The following OTOG variants were observed in gnomAD, a reference collection of about 807,000 sequenced individuals.
OTOG encodes otogelin.
Under a neutral mutation model 313.8 loss-of-function variants are expected in OTOG, and 296 were observed. The observed-to-expected ratio is 0.94, with a 90% CI of 0.86 to 1.04. The LOEUF is 1.04. OTOG is among the 50% of genes least tolerant of loss of function. OTOG has a pLI of 0.00. For synonymous variants in OTOG, 1,533 were observed against 1,554.9 expected (o/e 0.99, Z 0.33); for missense variants, 3,948 against 3,840.1 (o/e 1.03, Z -0.74).
At chr11:17,636,216 G>A (rs1854263401) in intron 47 of OTOG, among the ~76,000 whole-genome samples, 1 of 152,100 alleles carries the variant, frequency 6.6e-6, no homozygotes, top group South Asian at 2.1e-4. Context: ...GTATGATACT[G>A]TATATACATG....
At chr11:17,595,707 T>C (rs971159411) in intron 28 of OTOG, among the ~76,000 whole-genome samples, 3 of 152,198 alleles carry the variant, frequency 2.0e-5, no homozygotes, top group Admixed American at 6.5e-5. Flanking sequence ...AAGAGACCAC[T>C]GACACTTCCA....
chr11:17,560,064 G>A (rs1223829971), intron 12 of OTOG, among the ~76,000 whole-genome samples: 2 of 152,174 alleles, frequency 1.3e-5, no homozygotes, highest in Admixed American at 6.5e-5. Context: ...AAATTAATCA[G>A]GACTGCGCTT....
At chr11:17,608,635 C>T (rs1425909903) in intron 34 of OTOG, among the ~76,000 whole-genome samples, 1 of 152,182 alleles carries the variant, frequency 6.6e-6, no homozygotes, top group Non-Finnish European at 1.5e-5. Flanking sequence ...TGTGCGTGTA[C>T]TACTACAACT....
At chr11:17,588,175 G>A (rs945131476) in intron 24 of OTOG, among the ~76,000 whole-genome samples, 4 of 152,186 alleles carry the variant, frequency 2.6e-5, no homozygotes, top group African/African-American at 9.7e-5. Flanking sequence ...AGAAAACTAG[G>A]AGATAGATGG....
chr11:17,550,241 T>A (rs1206038835), intron 3 of OTOG, among the ~76,000 whole-genome samples: 1 of 152,252 alleles, frequency 6.6e-6, no homozygotes, highest in East Asian at 1.9e-4. Context: ...TACTTCAAAA[T>A]TTTGGCAGTG....
At chr11:17,570,065 C>G (rs990941563) in intron 16 of OTOG, 148 bp from the exon 17 acceptor site, 8 of 703,382 alleles carry the variant, frequency 1.1e-5, no homozygotes, top group Non-Finnish European at 1.7e-5. Flanking sequence ...CCCATACCAG[C>G]TTCATGGCAG....
intron 25 of OTOG, among the ~76,000 whole-genome samples, chr11:17,592,053 G>C (rs1232819417): frequency 6.6e-6 from 1 of 152,146 alleles, no homozygotes; most frequent in Non-Finnish European, 1.5e-5. Context: ...CTGGGGTCAA[G>C]TTTGACCAAG....
rs1421910735 is a variant in OTOG, at chr11:17,575,062, G to A, written c.2486+150G>A. 10 of 764,036 alleles carry A rather than the reference G, an allele frequency of 1.3e-5. No homozygotes were observed. In the East Asian group the frequency reaches 2.7e-4, roughly 21 times the overall value. The allele number at this position is 764,036 out of a possible 1,614,324, so 47.3% of individuals were successfully genotyped here. On this transcript the variant is annotated intron_variant, in intron 20 of 55. Coordinates refer to ENST00000399397, the MANE Select transcript of OTOG (RefSeq NM_001292063.2). Reference sequence around the variant, plus strand: ...AGACCTTGGTGGGTAAGGTGGGTGGGCTCCCTCCTTGGGGCCTCCCTCCCA... The same window carrying A: ...AGACCTTGGTGGGTAAGGTGGGTGGACTCCCTCCTTGGGGCCTCCCTCCCA...
At chr11:17,614,173 C>T (rs1433233248) in intron 39 of OTOG, among the ~76,000 whole-genome samples, 3 of 152,148 alleles carry the variant, frequency 2.0e-5, no homozygotes, top group Non-Finnish European at 1.5e-5. Context: ...GCATCCTCTC[C>T]AGAGGGCCCA....
intron 54 of OTOG, among the ~76,000 whole-genome samples, chr11:17,644,518 T>C (rs569167999): frequency 6.6e-6 from 1 of 152,238 alleles, no homozygotes; most frequent in Non-Finnish European, 1.5e-5. Context: ...CTAGGCACTG[T>C]AGAGCCTTGT....
rs191231797 is a variant in OTOG at position 17,555,584 on chromosome 11, C to A, written c.541-195C>A. On this transcript the variant is annotated intron_variant, in intron 6 of 55. Transcript: ENST00000399397. ...GGATTTCCTAGTTTTCTGTGTGTGG[C>A]CTTAGTCACTTCACCTCTCTGTGAA... The A allele has an allele frequency of 5.1e-5, 27 of 527,164 alleles. 1 individual carries two copies. The highest frequency in any genetic ancestry group is 1.0e-3 in the Middle Eastern group (2 of 1,994). The allele number at this position is 527,164 out of a possible 1,614,324, so 32.7% of individuals were successfully genotyped here.
Position 17,611,183 on chromosome 11 carries a change from C to G in OTOG, c.5883C>G (p.Pro1961=), listed in dbSNP as rs1486261137. The G allele has an allele frequency of 6.4e-7, 1 of 1,550,538 alleles. No individual in the cohort carries two copies. Among genetic ancestry groups the G allele is most frequent in the East Asian group, 2.4e-5 (1 of 40,920 alleles). The change falls in exon 36 of 56, where the codon CCC becomes CCG. Residue 1961 remains proline (P), a synonymous_variant. Coordinates refer to ENST00000399397, the MANE Select transcript of OTOG (RefSeq NM_001292063.2). The stretch of plus-strand genomic sequence containing the variant: ...AGGCAGGCACAGCTCTGCCAGTGCC[C>G]ACATCCTATGCCCTGAGCCGTGTCT... ...GAQAGTALPV[P]TSYALSRVSA...
chr11:17,605,900 C>T lies in OTOG; in HGVS notation c.3921C>T (p.Phe1307=). 3 of 1,550,116 alleles carry T rather than the reference C, an allele frequency of 1.9e-6. No homozygotes were observed. Among genetic ancestry groups the T allele is most frequent in the Non-Finnish European group, 2.6e-6 (3 of 1,146,662 alleles). ...TGGAGGCAGCAGACAGACCCAACTT[C>T]TTCCTTCACGTCACAGCCAACGGGT... ...VSLEAADRPN[F]FLHVTANGSL... The change falls in exon 33 of 56, where the codon TTC becomes TTT. Residue 1307 remains phenylalanine (F), a synonymous_variant. Transcript: ENST00000399397.
chr11:17,561,112 G>A lies in OTOG; in HGVS notation c.1473G>A (p.Trp491Ter). 3.2e-6 allele frequency: 5 copies of A among 1,550,586 alleles called. No individual in the cohort carries two copies. Among genetic ancestry groups the A allele is most frequent in the Non-Finnish European group, 4.4e-6 (5 of 1,146,986 alleles). Residue 491 changes from tryptophan (W) to a stop codon, truncating the protein, a stop_gained, in exon 14 of 56, where the codon TGG (tryptophan) becomes TGA (stop). Coordinates refer to ENST00000399397, the MANE Select transcript of OTOG (RefSeq NM_001292063.2). LOFTEE classifies it high-confidence loss of function. The part of the protein sequence containing the change: ...CNTCTCTSGK[W>*]ECSTAVCPAE... Reference sequence around the variant, plus strand: ...TTAGCACATGCACCTCAGGCAAGTGGGAGTGCAGCACAGCTGTCTGCCCAG... The same window carrying A: ...TTAGCACATGCACCTCAGGCAAGTGAGAGTGCAGCACAGCTGTCTGCCCAG...
intron 40 of OTOG, among the ~76,000 whole-genome samples, chr11:17,631,380 G>C (rs867130229): frequency 1.3e-3 from 160 of 124,518 alleles, no homozygotes; most frequent in African/African-American, 4.6e-3. Flanking sequence ...CTCTCTCTCT[G>C]TGTGTGTGTG....
intron 44 of OTOG, 117 bp downstream of exon 44, chr11:17,634,398 G>A (rs1854209031): frequency 1.7e-6 from 2 of 1,155,290 alleles, no homozygotes; most frequent in Admixed American, 4.4e-5. Context: ...GTGTCTTGTA[G>A]GGGGTGAGCT....
In OTOG at chr11:17,572,162, T is replaced by C. The variant is rs7106548; in HGVS notation, c.2038T>C (p.Ser680Pro). The change falls in exon 18 of 56, where the codon TCT (serine) becomes CCT (proline). Residue 680 changes from serine (S) to proline (P), a missense_variant. By Grantham distance (74) the Ser-to-Pro change is moderately conservative. Coordinates refer to ENST00000399397, the MANE Select transcript of OTOG (RefSeq NM_001292063.2). ...KTLSACSPLV[S>P]GSPLDPCDVH... ...ACTTTCTGCTTGCTCCCCGCTGGTC[T>C]CTGGCTCCCCTCTGGACCCCTGCGA... is the stretch of plus-strand genomic sequence containing the variant. 0.44 allele frequency: 676,004 copies of C among 1,549,820 alleles called. 150,699 individuals carry two copies. The highest frequency in any genetic ancestry group is 0.63 in the African/African-American group (45,977 of 72,950).
chr11:17,602,181 A>G, intron 31 of OTOG, 29 bp from the exon 32 acceptor site: 1 of 1,548,136 alleles, frequency 6.5e-7, no homozygotes, highest in Non-Finnish European at 8.7e-7. Flanking sequence ...CCATGGGGCC[A>G]GGTTGCTGAT....
At position 17,574,758 on chromosome 11, in the gene OTOG, G is replaced by A. The variant is rs1286560715; in HGVS notation, c.2332G>A (p.Val778Met). The stretch of plus-strand genomic sequence containing the variant: ...GGCCTCCAAGGAGTATAGCCCCTGC[G>A]TGGCCCCGTGTGGACGTACCTGCCA... ...CEASKEYSPC[V>M]APCGRTCQDL... The change falls in exon 20 of 56, where the codon GTG (valine) becomes ATG (methionine). Residue 778 changes from valine (V) to methionine (M), a missense_variant. Coordinates refer to ENST00000399397, the MANE Select transcript of OTOG (RefSeq NM_001292063.2). The A allele has an allele frequency of 1.4e-5, 22 of 1,550,536 alleles. No individual in the cohort carries two copies. Among genetic ancestry groups the A allele is most frequent in the African/African-American group, 1.4e-5 (1 of 73,056 alleles).
Sources: gnomAD v4.1 joint callset for allele counts (sites outside exome capture counted in the v4.1 genomes callset) on GRCh38, gnomAD v4.1.1 for gene constraint, MANE v1.5 for transcripts, NCBI Gene and HGNC (gene_info 2026-07-23, HGNC 2026-07-21) for gene names.